DCC: variants seen among roughly 807,000 people sequenced by gnomAD.
DCC encodes the protein netrin receptor DCC.
Under a neutral mutation model 172.5 loss-of-function variants are expected in DCC, and 58 were observed. The ratio of observed to expected loss-of-function variants is 0.34; its 90% CI spans 0.27 to 0.42. The LOEUF is 0.42. Among genes scored for constraint, DCC ranks in the 10% least tolerant of loss-of-function variants. The pLI is 1.00. For synonymous variants in DCC, 709 were observed against 644.5 expected, an observed-to-expected ratio of 1.10 and a Z score of -1.52; for missense variants, 1,740 against 1,791.0, an observed-to-expected ratio of 0.97 and a Z score of 0.51.
chr18:53,483,636 CTTTT>C (rs1311429028), intron 25 of DCC, among the ~76,000 whole-genome samples: 1 of 151,642 alleles, frequency 6.6e-6, no homozygotes, highest in Non-Finnish European at 1.5e-5. Context: ...GTTTGTGGGT[CTTTT>C]TTTGATTATA....
intron 2 of DCC, among the ~76,000 whole-genome samples, chr18:52,833,188 G>T (rs1048345406): frequency 2.6e-5 from 4 of 152,034 alleles, no homozygotes; most frequent in African/African-American, 7.3e-5. Flanking sequence ...CCTCCACTTA[G>T]CAAGTCCACC....
chr18:53,069,090 T>C (rs1456986295), intron 7 of DCC, among the ~76,000 whole-genome samples: 1 of 151,750 alleles, frequency 6.6e-6, no homozygotes, highest in Non-Finnish European at 1.5e-5. Context: ...TGAAGGGAAG[T>C]GTGAGATGAT....
intron 7 of DCC, among the ~76,000 whole-genome samples, chr18:53,077,510 A>G (rs1253763993): frequency 6.6e-6 from 1 of 152,086 alleles, no homozygotes; most frequent in Non-Finnish European, 1.5e-5. Context: ...CCTGATGCCA[A>G]ATGTAATTCA....
At chr18:52,855,324 G>GAATC (rs2039035069) in intron 2 of DCC, among the ~76,000 whole-genome samples, 1 of 152,220 alleles carries the variant, frequency 6.6e-6, no homozygotes, top group South Asian at 2.1e-4. Flanking sequence ...GGGTAAAAGA[G>GAATC]TAGATTGTTT....
chr18:53,262,311 G>C (rs1431767872), intron 12 of DCC, among the ~76,000 whole-genome samples: 1 of 152,126 alleles, frequency 6.6e-6, no homozygotes, highest in African/African-American at 2.4e-5. Flanking sequence ...CAGACCAAAT[G>C]CTATTTTCTG....
At chr18:52,718,357 T>G (rs544874158) in intron 1 of DCC, among the ~76,000 whole-genome samples, 2 of 152,246 alleles carry the variant, frequency 1.3e-5, no homozygotes, top group African/African-American at 4.8e-5. Flanking sequence ...GTGAATAGTA[T>G]TTCTATTTTT....
intron 5 of DCC, 133 bp downstream of exon 5, chr18:52,925,503 G>A (rs2040187686): frequency 2.2e-6 from 2 of 893,416 alleles, no homozygotes; most frequent in Non-Finnish European, 1.9e-6. Flanking sequence ...CTCCACACAT[G>A]TCCTTGCTTT....
At chr18:53,240,026 T>TAAAAAAAAAA (rs68158437) in intron 12 of DCC, among the ~76,000 whole-genome samples, 188 of 68,794 alleles carry the variant, frequency 2.7e-3, no homozygotes, top group East Asian at 5.5e-3. Flanking sequence ...GTTCTAGAGT[T>TAAAAAAAAAA]AAAAAAAAAA....
chr18:53,270,000 A>G (rs1381033645), intron 12 of DCC, among the ~76,000 whole-genome samples: 1 of 152,164 alleles, frequency 6.6e-6, no homozygotes, highest in Non-Finnish European at 1.5e-5. Context: ...TAGAAAATGC[A>G]TGTGGTGCAT....
intron 7 of DCC, among the ~76,000 whole-genome samples, chr18:53,076,085 A>G (rs901237281): frequency 2.0e-5 from 3 of 152,108 alleles, no homozygotes; most frequent in African/African-American, 4.8e-5. Context: ...CTTCTTTCCC[A>G]ACTCCTCTTA....
At chr18:52,480,881 G>A (rs76758431) in intron 1 of DCC, among the ~76,000 whole-genome samples, 9,328 of 151,730 alleles carry the variant, frequency 0.061, 353 homozygotes, top group East Asian at 0.083. Flanking sequence ...TAAACTCCAG[G>A]CCTCCTTTTC....
At chr18:53,300,992 T>TCTATC (rs66526310) in intron 12 of DCC, among the ~76,000 whole-genome samples, 1 of 109,938 alleles carries the variant, frequency 9.1e-6, no homozygotes, top group Non-Finnish European at 2.1e-5. Context: ...TTTCTTTCTT[T>TCTATC]TTTTTTCTTT....
chr18:53,441,018 C>T (rs777217617), intron 22 of DCC, among the ~76,000 whole-genome samples: 10 of 152,216 alleles, frequency 6.6e-5, no homozygotes, highest in Non-Finnish European at 1.2e-4. Flanking sequence ...AGCAGCATCT[C>T]TGGCCTTTAC....
rs368565628 is a variant in DCC at position 52,573,010 on chromosome 18, G to C, written c.92-179044G>C. On this transcript the variant is annotated intron_variant, in intron 1 of 28. Coordinates refer to ENST00000442544, the MANE Select transcript of DCC (RefSeq NM_005215.4). ...GCCAGAAAACCTATTAAGCACCCTG[G>C]CCTAAGAAAGGCAAAATTGAACAGA... Among the ~76,000 whole-genome samples the C allele has an allele frequency of 1.4e-4, 22 of 152,134 alleles. 2 individuals are homozygous for C. In the East Asian group the frequency reaches 2.7e-3, roughly 19 times the overall value.
intron 5 of DCC, among the ~76,000 whole-genome samples, chr18:53,052,417 C>G (rs1189674646): frequency 6.6e-6 from 1 of 151,906 alleles, no homozygotes; most frequent in Admixed American, 6.6e-5. Flanking sequence ...TTCTTTCACT[C>G]TTTTGCATTA....
rs528316009 is a variant in DCC at position 53,272,601 on chromosome 18, A to G, written c.1912-32977A>G. ...CAGATTGTTTTTATCTTCTAATGGA[A>G]GTCATTCATTCCTTCACATAGTCAC... On this transcript the variant is annotated intron_variant, in intron 12 of 28. Coordinates refer to ENST00000442544, the MANE Select transcript of DCC (RefSeq NM_005215.4). 1.6e-4 allele frequency among the ~76,000 whole-genome samples: 25 copies of G among 152,252 alleles called. No homozygotes were observed. In the East Asian group the frequency reaches 4.4e-3, roughly 27 times the overall value.
chr18:53,136,685 C>G lies in DCC; in HGVS notation c.1262-20671C>G, dbSNP rs1203042395. 2.0e-5 allele frequency among the ~76,000 whole-genome samples: 3 copies of G among 151,988 alleles called. No individual in the cohort carries two copies. In the South Asian group the frequency reaches 6.2e-4, roughly 32 times the overall value. On this transcript the variant is annotated intron_variant, in intron 7 of 28. Coordinates refer to ENST00000442544, the MANE Select transcript of DCC (RefSeq NM_005215.4). ...TTGATAAGGTATCTTGTGTCTCTTGCTTGTGGTGGTGATTTTTTGGTTGAT... is the reference window on the plus strand; with the variant it reads ...TTGATAAGGTATCTTGTGTCTCTTGGTTGTGGTGGTGATTTTTTGGTTGAT...
chr18:53,258,698 G>A (rs2056554639), intron 12 of DCC, among the ~76,000 whole-genome samples: 1 of 152,086 alleles, frequency 6.6e-6, no homozygotes, highest in African/African-American at 2.4e-5. Context: ...GTTGATTTGG[G>A]GTACGGAGTT....
At chr18:52,916,323 G>A (rs569772082) in intron 3 of DCC, among the ~76,000 whole-genome samples, 1 of 151,952 alleles carries the variant, frequency 6.6e-6, no homozygotes, top group East Asian at 1.9e-4. Context: ...TGAACAAAGT[G>A]AGCCAGCTAC....
Sources: gnomAD v4.1 joint callset for allele counts (sites outside exome capture counted in the v4.1 genomes callset) on GRCh38, gnomAD v4.1.1 for gene constraint, MANE v1.5 for transcripts, NCBI Gene and HGNC (gene_info 2026-07-23, HGNC 2026-07-21) for gene names.